The following KCNH8 variants were observed in gnomAD, a reference collection of about 807,000 sequenced individuals.
KCNH8 encodes the protein potassium voltage-gated channel subfamily H member 8.
In KCNH8, 70 loss-of-function variants were observed where a neutral mutation model predicts 103.6. The ratio of observed to expected loss-of-function variants is 0.68; its 90% CI spans 0.56 to 0.82. The LOEUF (loss-of-function observed/expected upper bound fraction) is 0.82, where lower values mean the gene tolerates loss of function less well. Among genes scored for constraint, KCNH8 ranks in the 40% least tolerant of loss-of-function variants. The pLI is 0.00. For synonymous variants in KCNH8, 498 were observed against 489.4 expected (o/e 1.02, Z -0.23); for missense variants, 1,217 against 1,329.9 (o/e 0.92, Z 1.32).
chr3:19,410,898 C>T (rs1200693374), intron 7 of KCNH8, among the ~76,000 whole-genome samples: 1 of 144,124 alleles, frequency 6.9e-6, no homozygotes. Flanking sequence ...AAAAAAAGCC[C>T]TGGACCAGAT....
rs199638242 is a variant in KCNH8, at chr3:19,253,869, A to G, written c.292A>G (p.Met98Val). Reference sequence around the variant, plus strand: ...GAAAACAGAATTCAAAGGAGAAATTATGTTCTACAAGAAAAACGGTGAGTT... The same window carrying G: ...GAAAACAGAATTCAAAGGAGAAATTGTGTTCTACAAGAAAAACGGTGAGTT... Reference protein sequence around the residue: ...EEKTEFKGEIMFYKKNGSPFW... With the variant: ...EEKTEFKGEIVFYKKNGSPFW... The change falls in exon 2 of 16, where the codon ATG becomes GTG. Residue 98 changes from methionine (M) to valine (V), a missense_variant. Met to Val is a conservative substitution (Grantham distance 21). This residue lies in a region of KCNH8 where 244 missense variants were observed against 256.8 expected (regional missense o/e 0.95). Transcript: ENST00000328405. 2.8e-5 allele frequency: 45 copies of G among 1,612,314 alleles called. No homozygotes were observed. In the East Asian group the frequency reaches 9.1e-4, roughly 33 times the overall value.
At chr3:19,516,856 A>C (rs1459320554) in intron 14 of KCNH8, among the ~76,000 whole-genome samples, 2 of 152,036 alleles carry the variant, frequency 1.3e-5, no homozygotes, top group African/African-American at 4.8e-5. Flanking sequence ...TTCCATGCAA[A>C]GGGAATTTTA....
At chr3:19,330,939 GT>G (rs1162434992) in intron 3 of KCNH8, among the ~76,000 whole-genome samples, 2 of 152,158 alleles carry the variant, frequency 1.3e-5, no homozygotes, top group East Asian at 3.9e-4. Flanking sequence ...AAAATGTCAT[GT>G]TCTCTACTGA....
chr3:19,466,430 C>T (rs2067737055), intron 11 of KCNH8, among the ~76,000 whole-genome samples: 5 of 152,028 alleles, frequency 3.3e-5, no homozygotes, highest in East Asian at 1.9e-4. Flanking sequence ...CAAACTGTAC[C>T]GTATGGTACA....
chr3:19,458,984 T>G (rs1375209175), intron 11 of KCNH8, among the ~76,000 whole-genome samples: 1 of 152,018 alleles, frequency 6.6e-6, no homozygotes, highest in Non-Finnish European at 1.5e-5. Flanking sequence ...CACATTTTCT[T>G]TATTCATTTG....
intron 2 of KCNH8, among the ~76,000 whole-genome samples, chr3:19,266,671 G>A (rs1340238750): frequency 3.3e-5 from 5 of 152,174 alleles, no homozygotes; most frequent in East Asian, 1.9e-4. Context: ...CTGAATGGGC[G>A]AATGAATAAA....
chr3:19,421,282 A>G (rs570518052), intron 7 of KCNH8, among the ~76,000 whole-genome samples: 2 of 152,220 alleles, frequency 1.3e-5, no homozygotes, highest in South Asian at 2.1e-4. Flanking sequence ...AATACTCAGT[A>G]TGTTTTACAA....
intron 11 of KCNH8, among the ~76,000 whole-genome samples, chr3:19,472,190 T>C (rs935575533): frequency 5.1e-5 from 7 of 136,060 alleles, no homozygotes; most frequent in Admixed American, 3.3e-4. Context: ...TTTAATCACT[T>C]CATTCGTGTG....
chr3:19,260,530 A>G (rs950467699), intron 2 of KCNH8, among the ~76,000 whole-genome samples: 2 of 119,190 alleles, frequency 1.7e-5, no homozygotes, highest in Non-Finnish European at 3.5e-5. Context: ...ATATATATAT[A>G]TATAGTAAAA....
At chr3:19,340,487 A>G (rs139004101) in intron 3 of KCNH8, among the ~76,000 whole-genome samples, 52 of 152,124 alleles carry the variant, frequency 3.4e-4, no homozygotes, top group Middle Eastern at 6.8e-3. Flanking sequence ...TTAGGATTCA[A>G]TTTATTTAGG....
Position 19,438,246 on chromosome 3 carries a change from C to G in KCNH8, c.1260C>G (p.Ala420=), listed in dbSNP as rs1019968461. ...NTLGGPSIRS[A]YIAALYFTLS... is the part of the protein sequence containing the mutation. ...TGGGGGGCCCGTCGATCCGAAGTGC[C>G]TATATTGCCGCTCTGTACTTCACGC... Residue 420 remains alanine, a synonymous_variant, in exon 8 of 16, where the codon GCC becomes GCG. Coordinates refer to ENST00000328405, the MANE Select transcript of KCNH8 (RefSeq NM_144633.3). The G allele has an allele frequency of 1.9e-6, 3 of 1,614,132 alleles. No homozygotes were observed. The highest frequency in any genetic ancestry group is 1.7e-4 in the Middle Eastern group (1 of 6,060).
chr3:19,481,225 C>T (rs1221252903), intron 11 of KCNH8, among the ~76,000 whole-genome samples: 2 of 152,042 alleles, frequency 1.3e-5, no homozygotes, highest in Non-Finnish European at 2.9e-5. Flanking sequence ...CATAGATATA[C>T]TGACTAGGGG....
chr3:19,207,887 GTT>G (rs2063732498), intron 1 of KCNH8, among the ~76,000 whole-genome samples: 1 of 151,850 alleles, frequency 6.6e-6, no homozygotes, highest in South Asian at 2.1e-4. Flanking sequence ...AGCAGAATGT[GTT>G]CTAGATATCA....
At chr3:19,275,928 G>A (rs1220637822) in intron 2 of KCNH8, among the ~76,000 whole-genome samples, 1 of 152,152 alleles carries the variant, frequency 6.6e-6, no homozygotes, top group Non-Finnish European at 1.5e-5. Context: ...AGTAGCATGG[G>A]AGGAAGACTA....
At chr3:19,206,422 T>C (rs984354533) in intron 1 of KCNH8, among the ~76,000 whole-genome samples, 1 of 151,772 alleles carries the variant, frequency 6.6e-6, no homozygotes, top group Non-Finnish European at 1.5e-5. Context: ...GGGCAGTAGA[T>C]GAACTGGAGT....
intron 15 of KCNH8, among the ~76,000 whole-genome samples, chr3:19,526,383 A>G (rs974669439): frequency 6.6e-6 from 1 of 152,046 alleles, no homozygotes; most frequent in African/African-American, 2.4e-5. Flanking sequence ...GCCAATAGCC[A>G]AGATGGAGAA....
At chr3:19,212,130 G>A (rs1032531272) in intron 1 of KCNH8, among the ~76,000 whole-genome samples, 3 of 152,174 alleles carry the variant, frequency 2.0e-5, no homozygotes, top group Non-Finnish European at 4.4e-5. Flanking sequence ...TATCCAGATA[G>A]TAATAGCTGT....
intron 5 of KCNH8, among the ~76,000 whole-genome samples, chr3:19,356,938 TGGTG>T (rs1283110283): frequency 6.6e-6 from 1 of 151,950 alleles, no homozygotes; most frequent in Non-Finnish European, 1.5e-5. Flanking sequence ...TTTGTAATCT[TGGTG>T]GTGAAAACTG....
chr3:19,165,767 A>C (rs903292806), intron 1 of KCNH8, among the ~76,000 whole-genome samples: 5 of 152,188 alleles, frequency 3.3e-5, no homozygotes, highest in African/African-American at 1.2e-4. Flanking sequence ...GGAGTAATCT[A>C]ATCCAAGTTG....
Sources: gnomAD v4.1 joint callset for allele counts (sites outside exome capture counted in the v4.1 genomes callset) on GRCh38, gnomAD v4.1.1 for gene constraint, gnomAD v4.1.1 regional missense constraint, MANE v1.5 for transcripts, NCBI Gene and HGNC (gene_info 2026-07-23, HGNC 2026-07-21) for gene names.